NEBL: variants seen among roughly 807,000 people sequenced by gnomAD.
NEBL encodes LIM and SH3 protein 2.
A neutral mutation model predicts 140.2 loss-of-function variants in NEBL; 122 were observed. That is an observed-to-expected ratio of 0.87 (90% confidence interval 0.75 to 1.01). NEBL has a LOEUF of 1.01. Ranked by LOEUF, NEBL falls within the 50% of genes least tolerant of loss-of-function variation. The probability of loss-of-function intolerance (pLI) is 0.00; values close to 1 mark genes in which losing one functional copy is unlikely to be tolerated. For missense variants in NEBL, 1,365 were observed against 1,231.3 expected, an observed-to-expected ratio of 1.11 and a Z score of -1.62; for synonymous variants, 436 against 398.9, an observed-to-expected ratio of 1.09 and a Z score of -1.11.
intron 2 of NEBL, among the ~76,000 whole-genome samples, chr10:21,110,456 T>C (rs777095061): frequency 2.0e-5 from 3 of 152,192 alleles, no homozygotes; most frequent in Non-Finnish European, 4.4e-5. Context: ...ATTCCCTTAC[T>C]ATTCTTTTAA....
chr10:21,030,560 A>G lies in NEBL; in HGVS notation c.165-10359T>C, dbSNP rs189931647. On this transcript the variant is annotated intron_variant, in intron 2 of 6. Coordinates refer to the NEBL transcript ENST00000417816. ...CCTCCTGCTCCATCTCAGAGCTCAG[A>G]CACACAGCACGAATACCCTACAAGT... The G allele has an allele frequency of 1.6e-4, 115 of 733,160 alleles. No homozygotes were observed. The African/African-American group carries it at 1.8e-3, about 11-fold the overall frequency. 45.4% of individuals were successfully genotyped at this position (733,160 alleles called of 1,614,324 possible).
At chr10:21,036,269 C>G (rs1010749556) in intron 2 of NEBL, among the ~76,000 whole-genome samples, 13 of 152,146 alleles carry the variant, frequency 8.5e-5, no homozygotes, top group African/African-American at 2.9e-4. Flanking sequence ...ACGTGGGCAA[C>G]ATAGCAAGAC....
rs758903630 is a variant in NEBL at position 20,831,466 on chromosome 10, G to A, written c.1560+7C>T. The A allele has an allele frequency of 6.3e-7, 1 of 1,592,288 alleles. No individual in the cohort carries two copies. The highest frequency in any genetic ancestry group is 1.1e-5 in the South Asian group (1 of 90,628). ...ATTTTAAACTTTGTATCTTGCTGCT[G>A]TCTTACCTGGCTGGCCATCTCGGAT... On this transcript the variant is annotated splice_region_variant and intron_variant, in intron 15 of 27. Coordinates refer to ENST00000377122, the MANE Select transcript of NEBL (RefSeq NM_006393.3).
chr10:21,181,566 T>C (rs1291706872), intron 3 of NEBL, among the ~76,000 whole-genome samples: 2 of 152,142 alleles, frequency 1.3e-5, no homozygotes, highest in East Asian at 1.9e-4. Context: ...CCCTCTGTAA[T>C]AGGATCAATT....
chr10:20,908,730 G>T (rs912404946), intron 4 of NEBL, among the ~76,000 whole-genome samples: 7 of 152,146 alleles, frequency 4.6e-5, no homozygotes, highest in African/African-American at 1.2e-4. Context: ...TAAGCTGATA[G>T]CAGCCAGCGC....
chr10:21,250,455 T>C (rs1842573268), intron 2 of NEBL, among the ~76,000 whole-genome samples: 1 of 152,194 alleles, frequency 6.6e-6, no homozygotes, highest in Non-Finnish European at 1.5e-5. Flanking sequence ...TTGTGGGACC[T>C]TGTGATTGTG....
At chr10:21,014,893 C>T (rs2131750551) in intron 3 of NEBL, among the ~76,000 whole-genome samples, 1 of 152,280 alleles carries the variant, frequency 6.6e-6, no homozygotes, top group Admixed American at 6.5e-5. Flanking sequence ...CTATGAACCA[C>T]GTTTTCATGC....
intron 2 of NEBL, chr10:21,029,634 G>C: frequency 7.2e-7 from 1 of 1,397,712 alleles, no homozygotes; most frequent in South Asian, 1.2e-5. Context: ...ATGACTACCC[G>C]CCTAGAAGGG....
intron 25 of NEBL, among the ~76,000 whole-genome samples, 198 bp downstream of exon 25, chr10:20,809,608 G>C (rs1837930509): frequency 1.3e-5 from 2 of 152,074 alleles, no homozygotes; most frequent in South Asian, 4.1e-4. Flanking sequence ...ATCTAGGACA[G>C]ACTAATTAAG....
At chr10:21,136,435 C>A (rs1839359330) in intron 2 of NEBL, among the ~76,000 whole-genome samples, 3 of 152,126 alleles carry the variant, frequency 2.0e-5, no homozygotes, top group African/African-American at 7.2e-5. Context: ...TCCAAGCGAT[C>A]CTCTCACCTC....
intron 2 of NEBL, among the ~76,000 whole-genome samples, chr10:21,166,248 AAAGAAAAAAAAATT>A (rs1840767016): frequency 9.9e-6 from 1 of 101,218 alleles, no homozygotes; most frequent in African/African-American, 5.1e-5. Flanking sequence ...AAAAAAAAGA[AAAGAAAAAAAAATT>A]TTCTACATCA....
chr10:20,939,458 T>G (rs1015705039), intron 4 of NEBL, among the ~76,000 whole-genome samples: 2 of 152,118 alleles, frequency 1.3e-5, no homozygotes, highest in Non-Finnish European at 2.9e-5. Flanking sequence ...AAGGAACAAC[T>G]GGTACCAGCC....
chr10:21,257,281 T>C (rs1334035578), intron 1 of NEBL, among the ~76,000 whole-genome samples: 3 of 152,306 alleles, frequency 2.0e-5, no homozygotes, highest in Non-Finnish European at 4.4e-5. Context: ...CCTATATAAA[T>C]ATCTTCACTG....
At chr10:21,263,395 A>G (rs1422811288) in intron 1 of NEBL, among the ~76,000 whole-genome samples, 1 of 151,964 alleles carries the variant, frequency 6.6e-6, no homozygotes, top group African/African-American at 2.4e-5. Context: ...GGGGAAAGGG[A>G]AAGGGGGCGG....
chr10:21,110,448 TC>T (rs1393739087), intron 2 of NEBL, among the ~76,000 whole-genome samples: 1 of 152,222 alleles, frequency 6.6e-6, no homozygotes, highest in Admixed American at 6.5e-5. Context: ...CTCATAATAT[TC>T]CCTTACTATT....
chr10:20,823,435 A>C (rs745506456), intron 18 of NEBL, 135 bp from the exon 19 acceptor site: 2 of 627,200 alleles, frequency 3.2e-6, no homozygotes, highest in Non-Finnish European at 5.3e-6. Context: ...CTGGGGACAT[A>C]ATTCTTAATT....
chr10:21,279,872 A>G lies in NEBL; in HGVS notation n.182+12958T>C, dbSNP rs577447841. Among the ~76,000 whole-genome samples the G allele has an allele frequency of 1.2e-4, 19 of 152,238 alleles. No homozygotes were observed. In the East Asian group the frequency reaches 2.9e-3, roughly 23 times the overall value. ...TGCTGCCACCTGGTTCATATGATTCATTGGTATTCTTGTCTCTCTTGAGCT... is the reference window on the plus strand; with the variant it reads ...TGCTGCCACCTGGTTCATATGATTCGTTGGTATTCTTGTCTCTCTTGAGCT... On this transcript the variant is annotated intron_variant and non_coding_transcript_variant, in intron 1 of 8. Transcript: ENST00000675702.
chr10:21,231,275 C>T (rs181594950), intron 3 of NEBL, among the ~76,000 whole-genome samples: 3 of 152,270 alleles, frequency 2.0e-5, no homozygotes, highest in East Asian at 3.9e-4. Context: ...CGCAGTGGCT[C>T]ACATCTGTAA....
At chr10:20,787,591 AT>A (rs1835532199) in intron 26 of NEBL, among the ~76,000 whole-genome samples, 2 of 150,794 alleles carry the variant, frequency 1.3e-5, no homozygotes, top group African/African-American at 2.4e-5. Context: ...ATAAACAAAA[AT>A]TTTTCATACT....
Sources: allele counts gnomAD v4.1 joint callset (sites outside exome capture counted in the v4.1 genomes callset), GRCh38; gene constraint gnomAD v4.1.1; transcripts MANE v1.5; gene names NCBI Gene and HGNC (gene_info 2026-07-23, HGNC 2026-07-21).